Variants in MAPKAPK5 observed in about 807,000 individuals in gnomAD.
MAPKAPK5 encodes the protein MAPK activated protein kinase 5.
In MAPKAPK5, 30 loss-of-function variants were observed where a neutral mutation model predicts 65.1. That is an observed-to-expected ratio of 0.46 (90% CI 0.34 to 0.63). MAPKAPK5 has a LOEUF of 0.63. Ranked by LOEUF, MAPKAPK5 falls within the 20% of genes least tolerant of loss-of-function variation. MAPKAPK5 has a pLI of 0.01. For synonymous variants in MAPKAPK5, 179 were observed against 204.6 expected (o/e 0.87, Z 1.07); for missense variants, 433 against 581.4 (o/e 0.74, Z 2.63).
At chr12:111,861,346 T>G (rs1195209400) in intron 1 of MAPKAPK5, among the ~76,000 whole-genome samples, 4 of 151,410 alleles carry the variant, frequency 2.6e-5, no homozygotes, top group African/African-American at 7.3e-5. Context: ...TTGTTTGTTT[T>G]TTGAGATGGA....
At chr12:111,892,722 TG>T (rs2136167023) in intron 13 of MAPKAPK5, among the ~76,000 whole-genome samples, 1 of 152,316 alleles carries the variant, frequency 6.6e-6, no homozygotes, top group South Asian at 2.1e-4. Flanking sequence ...ACAAAGATCT[TG>T]TCTCTCTTTG....
chr12:111,884,902 G>A (rs940462138), intron 9 of MAPKAPK5, among the ~76,000 whole-genome samples: 1 of 152,202 alleles, frequency 6.6e-6, no homozygotes, highest in African/African-American at 2.4e-5. Context: ...TTGGGGGCAG[G>A]TTCTGTGTGC....
chr12:111,892,468 C>A (rs747235496), intron 13 of MAPKAPK5, among the ~76,000 whole-genome samples: 50 of 152,088 alleles, frequency 3.3e-4, no homozygotes, highest in Non-Finnish European at 6.3e-4. Flanking sequence ...AAAAAATCTT[C>A]GTTATCCTGG....
chr12:111,888,677 C>A, intron 11 of MAPKAPK5, 59 bp downstream of exon 11: 1 of 1,592,486 alleles, frequency 6.3e-7, no homozygotes, highest in South Asian at 1.1e-5. Flanking sequence ...GTACTGGGTT[C>A]TGAAATTTAA....
chr12:111,879,356 C>G (rs1435964986), intron 7 of MAPKAPK5: 1 of 150,394 alleles, frequency 6.6e-6, no homozygotes, highest in East Asian at 1.9e-4. Flanking sequence ...TGGTTAGAGC[C>G]CAGGTCCTCT....
At chr12:111,866,119 A>T (rs563106170) in intron 2 of MAPKAPK5, 37 bp from the exon 3 acceptor site, 1 of 1,460,530 alleles carries the variant, frequency 6.8e-7, no homozygotes, top group Admixed American at 2.0e-5. Context: ...ATTCTAACAT[A>T]TATGATCTCT....
At position 111,901,663 on chromosome 12, in the gene MAPKAPK5, AGAG is replaced by A. The variant is rs546090506; in HGVS notation, c.*8614_*8616del. 142 of 273,912 alleles carry A rather than the reference AGAG, an allele frequency of 5.2e-4. No individual in the cohort carries two copies. The highest frequency in any genetic ancestry group is 2.0e-3 in the South Asian group (54 of 27,510). The allele number at this position is 273,912 out of a possible 1,614,324, so 17.0% of individuals were successfully genotyped here. ...AAGAAGAGAAGGAGGAAGAAAAAGA[AGAG>A]GAGGAGGAGGAAGAAGAGGAGGAAG... On this transcript the variant is annotated 3_prime_UTR_variant, in exon 14 of 14. Transcript: ENST00000550735.
At chr12:111,886,403 G>A (rs1566273517) in intron 10 of MAPKAPK5, among the ~76,000 whole-genome samples, 1 of 152,338 alleles carries the variant, frequency 6.6e-6, no homozygotes, top group East Asian at 1.9e-4. Context: ...AAATATCAGA[G>A]CTTTGCATGT....
At chr12:111,884,700 C>T (rs1413908005) in intron 9 of MAPKAPK5, among the ~76,000 whole-genome samples, 2 of 152,166 alleles carry the variant, frequency 1.3e-5, no homozygotes, top group Non-Finnish European at 1.5e-5. Flanking sequence ...AGGCACTGCC[C>T]CTGTCTTCCC....
intron 1 of MAPKAPK5, among the ~76,000 whole-genome samples, chr12:111,849,288 T>C (rs1479727075): frequency 6.7e-6 from 1 of 149,792 alleles, no homozygotes; most frequent in African/African-American, 2.5e-5. Flanking sequence ...GTCTTGCTGC[T>C]CTTGTTGCCT....
In MAPKAPK5 at chr12:111,893,250, A is replaced by C; in HGVS notation, c.*189A>C. ...TTTTAAGAAAAGCTCAGTTCTAGAGACATACTATTACTTTAGGACTGTGTA... is the reference window on the plus strand; with the variant it reads ...TTTTAAGAAAAGCTCAGTTCTAGAGCCATACTATTACTTTAGGACTGTGTA... On this transcript the variant is annotated 3_prime_UTR_variant, in exon 14 of 14. Coordinates refer to ENST00000550735, the MANE Select transcript of MAPKAPK5 (RefSeq NM_003668.4). The C allele has an allele frequency of 2.7e-6, 1 of 366,278 alleles. No homozygotes were observed. The highest frequency in any genetic ancestry group is 5.0e-6 in the Non-Finnish European group (1 of 199,312). 22.7% of individuals were successfully genotyped at this position (366,278 alleles called of 1,614,324 possible).
At chr12:111,877,819 C>T (rs1457346457) in intron 7 of MAPKAPK5, among the ~76,000 whole-genome samples, 2 of 151,866 alleles carry the variant, frequency 1.3e-5, no homozygotes, top group African/African-American at 2.4e-5. Flanking sequence ...GAGCTGGGAC[C>T]ATAGGCATAC....
chr12:111,842,840 C>T lies in MAPKAPK5; in HGVS notation c.36+71C>T, dbSNP rs573231227. The T allele has an allele frequency of 1.4e-5, 17 of 1,250,528 alleles. No homozygotes were observed. The African/African-American group carries it at 2.6e-4, about 19-fold the overall frequency. 77.5% of individuals were successfully genotyped at this position (1,250,528 alleles called of 1,614,324 possible). ...TCTTCTCGGCTCTAGCCTCAAAAAG[C>T]AGGGAGATTTTGCAGTGAGAGGTTC... is the stretch of plus-strand genomic sequence containing the variant. On this transcript the variant is annotated intron_variant, in intron 1 of 13. Coordinates refer to ENST00000550735, the MANE Select transcript of MAPKAPK5 (RefSeq NM_003668.4).
In MAPKAPK5 at chr12:111,897,956, A is replaced by G. The variant is rs2070876834; in HGVS notation, c.*4895A>G. The G allele has an allele frequency of 6.6e-6, 1 of 151,620 alleles. No individual in the cohort carries two copies. The highest frequency in any genetic ancestry group is 2.1e-4 in the South Asian group (1 of 4,796). The allele number at this position is 151,620 out of a possible 1,614,324, so 9.4% of individuals were successfully genotyped here. Reference sequence around the variant, plus strand: ...GAATGCACAGAATAACTGCGTAAGGAATGGGTGCATAGGGCTTCTTTTCCT... The same window carrying G: ...GAATGCACAGAATAACTGCGTAAGGGATGGGTGCATAGGGCTTCTTTTCCT... On this transcript the variant is annotated 3_prime_UTR_variant, in exon 14 of 14. Coordinates refer to ENST00000550735, the MANE Select transcript of MAPKAPK5 (RefSeq NM_003668.4).
chr12:111,882,709 TG>T, intron 8 of MAPKAPK5: 1 of 637,334 alleles, frequency 1.6e-6, no homozygotes, highest in Non-Finnish European at 2.0e-6. Context: ...TCCCCCAGAA[TG>T]GTGTAAGAGC....
intron 1 of MAPKAPK5, among the ~76,000 whole-genome samples, chr12:111,855,221 C>T (rs2069195819): frequency 6.6e-6 from 1 of 152,026 alleles, no homozygotes; most frequent in Admixed American, 6.6e-5. Context: ...TTCAAATAAT[C>T]AACTTTTGGT....
At chr12:111,862,260 A>G (rs977174671) in intron 1 of MAPKAPK5, among the ~76,000 whole-genome samples, 26 of 152,188 alleles carry the variant, frequency 1.7e-4, no homozygotes, top group Admixed American at 6.5e-5. Context: ...GACAGGAGGT[A>G]TAAAAAATGG....
At chr12:111,855,742 G>A (rs2069213268) in intron 1 of MAPKAPK5, among the ~76,000 whole-genome samples, 2 of 151,726 alleles carry the variant, frequency 1.3e-5, no homozygotes, top group South Asian at 4.2e-4. Flanking sequence ...CAGAAGAATC[G>A]CTTGAACCTG....
Position 111,842,756 on chromosome 12 carries a change from A to C in MAPKAPK5, c.23A>C (p.Asp8Ala). The change falls in exon 1 of 14, where the codon GAC becomes GCC. Residue 8 changes from aspartate to alanine, a missense_variant. By Grantham distance (126) the Asp-to-Ala change is moderately radical. Coordinates refer to ENST00000550735, the MANE Select transcript of MAPKAPK5 (RefSeq NM_003668.4). MSEESDMDKAIKETSILE... is the reference protein window; with the variant it reads MSEESDMAKAIKETSILE... ...AGTATGTCGGAGGAGAGCGACATGGACAAAGCCATCAAGGTAAGGGGGAGG... is the reference window on the plus strand; with the variant it reads ...AGTATGTCGGAGGAGAGCGACATGGCCAAAGCCATCAAGGTAAGGGGGAGG... 1 of 1,344,258 alleles carries C rather than the reference A, an allele frequency of 7.4e-7. No homozygotes were observed. The highest frequency in any genetic ancestry group is 9.6e-7 in the Non-Finnish European group (1 of 1,040,324). The allele number at this position is 1,344,258 out of a possible 1,614,324, so 83.3% of individuals were successfully genotyped here.
Sources: gnomAD v4.1 joint callset for allele counts (sites outside exome capture counted in the v4.1 genomes callset) on GRCh38, gnomAD v4.1.1 for gene constraint, MANE v1.5 for transcripts, NCBI Gene and HGNC (gene_info 2026-07-23, HGNC 2026-07-21) for gene names.